The following DMD variants were observed in gnomAD, a reference collection of about 807,000 sequenced individuals.
DMD encodes the protein dystrophin.
A neutral mutation model predicts 330.1 loss-of-function variants in DMD; 63 were observed. That is an observed-to-expected ratio of 0.19 (90% CI 0.16 to 0.24). The LOEUF (loss-of-function observed/expected upper bound fraction) is 0.24. Among genes scored for constraint, DMD ranks in the 10% least tolerant of loss-of-function variants. DMD has a pLI of 1.00. For missense variants in DMD, 3,344 were observed against 2,684.1 expected, an observed-to-expected ratio of 1.25 and a Z score of -5.43; for synonymous variants, 1,223 against 959.8, an observed-to-expected ratio of 1.27 and a Z score of -5.07.
intron 43 of DMD, among the ~76,000 whole-genome samples, chrX:32,225,023 T>A (rs149560285): frequency 0.01 from 1,134 of 112,186 alleles, 7 homozygotes; most frequent in African/African-American, 0.035. Flanking sequence ...ACTCTTCTAC[T>A]GTGCTTAATG....
chrX:32,898,758 G>C (rs6631667), intron 2 of DMD, among the ~76,000 whole-genome samples: 1 of 111,257 alleles, frequency 9.0e-6, no homozygotes, highest in Non-Finnish European at 1.9e-5. Context: ...CCATCTGCTG[G>C]TTTCTGCTGT....
chrX:31,422,049 T>C (rs1374682673), intron 60 of DMD, among the ~76,000 whole-genome samples: 1 of 93,508 alleles, frequency 1.1e-5, no homozygotes, highest in Non-Finnish European at 2.1e-5. Context: ...ATATATTTTT[T>C]TTTTTCTTTT....
rs1800272 is a variant in DMD at position 32,342,247 on chromosome X, C to T, written c.5775G>A (p.Glu1925=). The stretch of plus-strand genomic sequence containing the variant: ...CAGCTTGCCTACGCACTGCATTCAG[C>T]TCCTCTTTCTTCTTCTGCAATTCCC... ...IDRELQKKKE[E]LNAVRRQAEG... is the part of the protein sequence containing the mutation. Residue 1925 remains glutamate (E), a synonymous_variant, in exon 41 of 79, where the codon GAG becomes GAA. Coordinates refer to ENST00000357033, the MANE Select transcript of DMD (RefSeq NM_004006.3). 10 of 1,209,652 alleles carry T rather than the reference C, an allele frequency of 8.3e-6. No individual in the cohort carries two copies. The highest frequency in any genetic ancestry group is 1.0e-5 in the Non-Finnish European group (9 of 895,207).
chrX:32,559,213 A>G (rs1241373017), intron 16 of DMD, among the ~76,000 whole-genome samples: 2 of 109,976 alleles, frequency 1.8e-5, no homozygotes, highest in Non-Finnish European at 3.8e-5. Flanking sequence ...TTGTCCTCCC[A>G]AAGTACTGGG....
At chrX:33,229,131 G>A (rs1231937710) in intron 1 of DMD, among the ~76,000 whole-genome samples, 1 of 110,719 alleles carries the variant, frequency 9.0e-6, no homozygotes, top group Non-Finnish European at 1.9e-5. Flanking sequence ...CAACTGATAT[G>A]CAAATATTTT....
intron 43 of DMD, among the ~76,000 whole-genome samples, chrX:32,240,491 T>A (rs1447362598): frequency 9.0e-6 from 1 of 111,348 alleles, no homozygotes; most frequent in Non-Finnish European, 1.9e-5. Flanking sequence ...CTTCCCAGCC[T>A]CCAGAACGGT....
chrX:32,200,457 T>TGTAACAAC (rs1460909092), intron 44 of DMD, among the ~76,000 whole-genome samples: 8 of 98,918 alleles, frequency 8.1e-5, no homozygotes, highest in Non-Finnish European at 1.6e-4. Flanking sequence ...CATGTAACAA[T>TGTAACAAC]ACATATGTAA....
At chrX:32,337,046 T>C (rs5972538) in intron 41 of DMD, among the ~76,000 whole-genome samples, 1,923 of 110,940 alleles carry the variant, frequency 0.017, 47 homozygotes, top group African/African-American at 0.058. Flanking sequence ...AGAAATATGG[T>C]GTAAGTGGGG....
chrX:32,419,401 A>T (rs2098180276), intron 29 of DMD, among the ~76,000 whole-genome samples: 1 of 112,234 alleles, frequency 8.9e-6, no homozygotes, highest in Admixed American at 9.4e-5. Context: ...AGACTAAGTA[A>T]ATTAAAACCA....
At chrX:31,700,016 T>C (rs958810063) in intron 52 of DMD, among the ~76,000 whole-genome samples, 1 of 110,374 alleles carries the variant, frequency 9.1e-6, no homozygotes, top group Admixed American at 9.7e-5. Flanking sequence ...TGAAACCCTG[T>C]CTGTACTAAA....
intron 45 of DMD, among the ~76,000 whole-genome samples, chrX:31,951,658 T>C (rs919004715): frequency 7.2e-5 from 8 of 111,550 alleles, no homozygotes; most frequent in Middle Eastern, 4.7e-3. Flanking sequence ...GCTCCATTTT[T>C]GCTCCTCCTG....
intron 2 of DMD, among the ~76,000 whole-genome samples, chrX:32,950,627 C>A: frequency 9.0e-6 from 1 of 111,548 alleles, no homozygotes; most frequent in Non-Finnish European, 1.9e-5. Flanking sequence ...AATTAATTGG[C>A]CTTACCCTTC....
chrX:31,331,742 G>A (rs1364023259), intron 61 of DMD, among the ~76,000 whole-genome samples: 1 of 112,039 alleles, frequency 8.9e-6, no homozygotes, highest in Non-Finnish European at 1.9e-5. Flanking sequence ...TGCCTTTACT[G>A]TCTCTGCAGA....
intron 43 of DMD, among the ~76,000 whole-genome samples, chrX:32,227,086 A>G (rs1170660425): frequency 9.5e-6 from 1 of 105,692 alleles, no homozygotes; most frequent in Non-Finnish European, 1.9e-5. Context: ...TTTTAAACCA[A>G]AACAATATTG....
chrX:31,632,216 A>G (rs1277440571), intron 54 of DMD, among the ~76,000 whole-genome samples: 1 of 111,816 alleles, frequency 8.9e-6, no homozygotes, highest in Admixed American at 9.5e-5. Context: ...AACATAATAC[A>G]TAAAAAGGAA....
chrX:31,848,851 A>G (rs1260596328), intron 48 of DMD, among the ~76,000 whole-genome samples: 1 of 110,150 alleles, frequency 9.1e-6, no homozygotes, highest in African/African-American at 3.3e-5. Context: ...TGATCTGACA[A>G]GCAGTGAAGC....
chrX:31,515,798 C>A (rs1039293581), intron 55 of DMD, among the ~76,000 whole-genome samples: 4 of 111,966 alleles, frequency 3.6e-5, no homozygotes, highest in Admixed American at 1.9e-4. Context: ...ATAGTTAATG[C>A]TCAGGATGAT....
At chrX:31,186,528 A>C (rs1484053277) in intron 67 of DMD, among the ~76,000 whole-genome samples, 2 of 111,742 alleles carry the variant, frequency 1.8e-5, no homozygotes, top group Admixed American at 9.5e-5. Flanking sequence ...GAGGGAGAAG[A>C]TCAGGAAAAT....
At chrX:31,399,637 T>A (rs1167209207) in intron 60 of DMD, among the ~76,000 whole-genome samples, 2 of 111,250 alleles carry the variant, frequency 1.8e-5, no homozygotes, top group Non-Finnish European at 3.8e-5. Context: ...AGGCTATGGA[T>A]ACTGACCTGG....
Sources: allele counts gnomAD v4.1 joint callset (sites outside exome capture counted in the v4.1 genomes callset), GRCh38; gene constraint gnomAD v4.1.1; transcripts MANE v1.5; gene names NCBI Gene and HGNC (gene_info 2026-07-23, HGNC 2026-07-21).